Variants in HFM1 observed in about 807,000 individuals in gnomAD.
The protein encoded by HFM1 is probable ATP-dependent DNA helicase HFM1.
A neutral mutation model predicts 192.1 loss-of-function variants in HFM1; 169 were observed. The ratio of observed to expected loss-of-function variants is 0.88; its 90% CI spans 0.78 to 1.00. The LOEUF is 1.00. HFM1 is among the 50% of genes least tolerant of loss of function. HFM1 has a pLI of 0.00. For synonymous variants in HFM1, 525 were observed against 537.8 expected, an observed-to-expected ratio of 0.98 and a Z score of 0.33; for missense variants, 1,661 against 1,668.0, an observed-to-expected ratio of 1.00 and a Z score of 0.07.
At chr1:91,374,276 C>T (rs1660629774) in intron 13 of HFM1, among the ~76,000 whole-genome samples, 1 of 151,808 alleles carries the variant, frequency 6.6e-6, no homozygotes. Context: ...TGGGCTACTG[C>T]AGGCTACACT....
intron 13 of HFM1, among the ~76,000 whole-genome samples, chr1:91,356,497 A>G (rs2101785016): frequency 6.6e-6 from 1 of 152,230 alleles, no homozygotes; most frequent in African/African-American, 2.4e-5. Flanking sequence ...ATAAGTGCCT[A>G]TATTAAAAAA....
At chr1:91,304,667 C>T (rs1213132507) in intron 30 of HFM1, among the ~76,000 whole-genome samples, 1 of 148,406 alleles carries the variant, frequency 6.7e-6, no homozygotes, top group African/African-American at 2.5e-5. Context: ...TTAGTAGAGA[C>T]AGAGTTTCAC....
rs377715866 is a variant in HFM1 at position 91,315,926 on chromosome 1, A to G, written c.3029T>C (p.Ile1010Thr). ...TTGTAGCTGTTCAAAATTTCTTAAT[A>G]TAACAGTCACTAATATTTCTGCCGT... ...DTTAEILVTV[I>T]LRNFEQLQTK... The change falls in exon 28 of 39, where the codon ATA (isoleucine) becomes ACA (threonine). Residue 1010 changes from isoleucine (I) to threonine (T), a missense_variant. Physicochemically the swap from Ile to Thr is moderately conservative, Grantham distance 89. Transcript: ENST00000370425. The G allele has an allele frequency of 4.5e-5, 72 of 1,597,360 alleles. No individual in the cohort carries two copies. In the African/African-American group the frequency reaches 7.2e-4, roughly 16 times the overall value.
chr1:91,361,274 T>C (rs905553270), intron 13 of HFM1, among the ~76,000 whole-genome samples: 1 of 151,738 alleles, frequency 6.6e-6, no homozygotes, highest in African/African-American at 2.4e-5. Context: ...GCTAGTTTTT[T>C]GAAAAAATTA....
At chr1:91,291,404 T>C (rs1355740968) in intron 30 of HFM1, among the ~76,000 whole-genome samples, 1 of 151,998 alleles carries the variant, frequency 6.6e-6, no homozygotes, top group Non-Finnish European at 1.5e-5. Context: ...CAAACTACCA[T>C]CAGATAATAC....
At chr1:91,352,752 T>C (rs1385342454) in intron 15 of HFM1, 101 bp from the exon 16 acceptor site, 1 of 863,720 alleles carries the variant, frequency 1.2e-6, no homozygotes, top group Admixed American at 3.2e-5. Flanking sequence ...TAAAAACTCA[T>C]ACATAAGAAA....
intron 4 of HFM1, among the ~76,000 whole-genome samples, chr1:91,387,917 TAAAAAAAAAAAATTAA>T (rs1426621505): frequency 1.0e-5 from 1 of 97,332 alleles, no homozygotes; most frequent in Admixed American, 1.1e-4. Flanking sequence ...AGAGTATAAT[TAAAAAAAAAAAATTAA>T]AAAAAAAAAA....
chr1:91,315,982 A>T lies in HFM1; in HGVS notation c.2983-10T>A. The T allele has an allele frequency of 6.4e-7, 1 of 1,570,678 alleles. No homozygotes were observed. The highest frequency in any genetic ancestry group is 1.1e-5 in the South Asian group (1 of 88,928). On this transcript the variant is annotated splice_polypyrimidine_tract_variant and intron_variant, in intron 27 of 38. Transcript: ENST00000370425. ...CACTATATCTTGTAATCTTTAAAAAAGGACAAGTATAAAAAGTGTTAAAAA... is the reference window on the plus strand; with the variant it reads ...CACTATATCTTGTAATCTTTAAAAATGGACAAGTATAAAAAGTGTTAAAAA...
chr1:91,262,238 T>C lies in HFM1; in HGVS notation c.4238+3A>G, dbSNP rs1665230630. 1 of 1,297,912 alleles carries C rather than the reference T, an allele frequency of 7.7e-7. No individual in the cohort carries two copies. Among genetic ancestry groups the C allele is most frequent in the South Asian group, 1.4e-5 (1 of 72,160 alleles). The allele number at this position is 1,297,912 out of a possible 1,614,324, so 80.4% of individuals were successfully genotyped here. ...TCTTAAAGTGTCTTTAAAGAGTTCT[T>C]ACCTGAAATCAACTTCCTTTTTACA... On this transcript the variant is annotated splice_donor_region_variant and intron_variant, in intron 38 of 38. Transcript: ENST00000370425.
In HFM1 at chr1:91,316,023, T is replaced by C. The variant is rs1304275221; in HGVS notation, c.2983-51A>G. The C allele has an allele frequency of 1.5e-5, 22 of 1,484,952 alleles. 1 individual carries two copies. In the Middle Eastern group the frequency reaches 5.3e-4, roughly 36 times the overall value. 92.0% of individuals were successfully genotyped at this position (1,484,952 alleles called of 1,614,324 possible). On this transcript the variant is annotated intron_variant, in intron 27 of 38. Transcript: ENST00000370425. ...GTGTTAAAAATAACCTTACTTCTCATACTCAGCTGAAGCCTATTTATAGGT... is the reference window on the plus strand; with the variant it reads ...GTGTTAAAAATAACCTTACTTCTCACACTCAGCTGAAGCCTATTTATAGGT...
At chr1:91,369,190 C>T (rs889849100) in intron 13 of HFM1, among the ~76,000 whole-genome samples, 9 of 152,100 alleles carry the variant, frequency 5.9e-5, no homozygotes, top group South Asian at 2.1e-4. Context: ...GACAGATCAA[C>T]GAGACAGAAC....
In HFM1 at chr1:91,287,494, C is replaced by A. The variant is rs535892153; in HGVS notation, c.3392-10432G>T. Among the ~76,000 whole-genome samples, 764 of 152,030 alleles carry A rather than the reference C, an allele frequency of 5.0e-3. 4 individuals are homozygous for A. Among genetic ancestry groups the A allele is most frequent in the African/African-American group, 0.017 (722 of 41,392 alleles). On this transcript the variant is annotated intron_variant, in intron 30 of 38. Transcript: ENST00000370425. ...ACTAACTAACAAACAGAAAGGACAT[C>A]CACACCAAAAACCCATCTGTACATC...
In HFM1 at chr1:91,352,229, A is replaced by T. The variant is rs571225167; in HGVS notation, c.1977+277T>A. On this transcript the variant is annotated intron_variant, in intron 16 of 38. Coordinates refer to ENST00000370425, the MANE Select transcript of HFM1 (RefSeq NM_001017975.6). ...CTAAGAGTACCCCCATTCAGAATTT[A>T]AAAAAAAAAAAAAACAGTCAAAATC... 6.1e-3 allele frequency among the ~76,000 whole-genome samples: 771 copies of T among 126,656 alleles called. 3 individuals are homozygous for T. Among genetic ancestry groups the T allele is most frequent in the African/African-American group, 0.02 (730 of 36,924 alleles). 83.1% of individuals were successfully genotyped at this position (126,656 alleles called of 152,430 possible). A position where few individuals can be genotyped will look rare whatever the true frequency, so the allele number is the denominator to read the frequency against.
intron 4 of HFM1, among the ~76,000 whole-genome samples, chr1:91,393,450 CTTACT>C (rs1197956895): frequency 2.6e-5 from 4 of 152,146 alleles, no homozygotes; most frequent in African/African-American, 4.8e-5. Context: ...CGAACCTGTT[CTTACT>C]TTATAGTTCT....
At chr1:91,272,805 C>T (rs1570733854) in intron 34 of HFM1, among the ~76,000 whole-genome samples, 1 of 151,708 alleles carries the variant, frequency 6.6e-6, no homozygotes, top group South Asian at 2.1e-4. Context: ...ATACTCCAGC[C>T]CTTGACTCTG....
chr1:91,390,421 G>GT (rs1318811333), intron 4 of HFM1, among the ~76,000 whole-genome samples: 7 of 102,902 alleles, frequency 6.8e-5, no homozygotes, highest in African/African-American at 2.6e-4. Flanking sequence ...GGGTGACAGA[G>GT]TAAGACTCCC....
At chr1:91,404,527 C>T (rs1456788411) in intron 1 of HFM1, 1 of 217,266 alleles carries the variant, frequency 4.6e-6, no homozygotes, top group East Asian at 1.9e-4. Context: ...CCAGCCGGTC[C>T]CACCTCGCGG....
At chr1:91,368,159 T>C (rs1213419047) in intron 13 of HFM1, among the ~76,000 whole-genome samples, 3 of 152,110 alleles carry the variant, frequency 2.0e-5, no homozygotes, top group South Asian at 2.1e-4. Flanking sequence ...TGGAACCAAG[T>C]TGGAAAACTC....
chr1:91,310,543 G>A (rs936607548), intron 30 of HFM1, among the ~76,000 whole-genome samples: 5 of 152,174 alleles, frequency 3.3e-5, no homozygotes, highest in Non-Finnish European at 7.3e-5. Context: ...AAGGAAAAAC[G>A]TATACTGACA....
Sources: gnomAD v4.1 joint callset for allele counts (sites outside exome capture counted in the v4.1 genomes callset) on GRCh38, gnomAD v4.1.1 for gene constraint, MANE v1.5 for transcripts, NCBI Gene and HGNC (gene_info 2026-07-23, HGNC 2026-07-21) for gene names.